Variants in SBF2 observed in about 807,000 individuals in gnomAD.
SBF2 encodes the protein myotubularin-related protein 13.
In SBF2, 112 loss-of-function variants were observed where a neutral mutation model predicts 225.2. The observed-to-expected ratio is 0.50, with a 90% confidence interval of 0.43 to 0.58. SBF2 has a LOEUF of 0.58. Among genes scored for constraint, SBF2 ranks in the 20% least tolerant of loss-of-function variants. The pLI is 0.00. For synonymous variants in SBF2, 763 were observed against 773.3 expected, an observed-to-expected ratio of 0.99 and a Z score of 0.22; for missense variants, 1,996 against 2,206.2, an observed-to-expected ratio of 0.90 and a Z score of 1.91.
intron 1 of SBF2, among the ~76,000 whole-genome samples, chr11:10,290,835 C>G (rs1009523188): frequency 2.6e-5 from 4 of 152,116 alleles, no homozygotes; most frequent in African/African-American, 9.7e-5. Flanking sequence ...CCTATACTTA[C>G]CAGCCCTGAC....
intron 1 of SBF2, among the ~76,000 whole-genome samples, chr11:10,209,309 G>GT (rs1324349747): frequency 4.5e-4 from 65 of 145,122 alleles, no homozygotes; most frequent in East Asian, 6.4e-4. Context: ...CCACAAATTT[G>GT]TTTTTTTTTT....
chr11:10,110,215 C>A (rs145127107), intron 2 of SBF2, among the ~76,000 whole-genome samples: 2 of 152,282 alleles, frequency 1.3e-5, no homozygotes, highest in East Asian at 3.9e-4. Context: ...AATCTTGAGT[C>A]TTCCACTATT....
At chr11:10,270,499 G>A (rs1962384495) in intron 1 of SBF2, among the ~76,000 whole-genome samples, 1 of 152,154 alleles carries the variant, frequency 6.6e-6, no homozygotes, top group Admixed American at 6.5e-5. Flanking sequence ...AGGCTGAGGA[G>A]GAGGAAGAGG....
At chr11:10,096,275 C>CT (rs1463721059) in intron 2 of SBF2, among the ~76,000 whole-genome samples, 2 of 152,034 alleles carry the variant, frequency 1.3e-5, no homozygotes, top group Admixed American at 1.3e-4. Context: ...AAAATCAAAA[C>CT]TACCTACACA....
At chr11:10,114,017 T>C (rs905819988) in intron 2 of SBF2, among the ~76,000 whole-genome samples, 4 of 152,204 alleles carry the variant, frequency 2.6e-5, no homozygotes, top group Non-Finnish European at 2.9e-5. Context: ...CTCTTATTTA[T>C]TGATCAATGT....
chr11:9,935,079 CCTT>C (rs1324633713), intron 16 of SBF2, among the ~76,000 whole-genome samples: 3 of 152,174 alleles, frequency 2.0e-5, no homozygotes, highest in Non-Finnish European at 4.4e-5. Flanking sequence ...CCCAAAATCT[CCTT>C]AAGCTGATAA....
At chr11:9,994,835 GA>G (rs1565107819) in intron 9 of SBF2, among the ~76,000 whole-genome samples, 2 of 151,986 alleles carry the variant, frequency 1.3e-5, no homozygotes, top group Admixed American at 6.5e-5. Context: ...TCAGGAATTT[GA>G]AACCAGCCTG....
chr11:10,181,042 TTACACTCTTCTGATTTTAATG>T (rs1342129687), intron 2 of SBF2, among the ~76,000 whole-genome samples: 1 of 152,128 alleles, frequency 6.6e-6, no homozygotes, highest in African/African-American at 2.4e-5. Flanking sequence ...ACTCATGTCA[TTACACTCTTCTGATTTTAATG>T]TTAAAATGCT....
At chr11:9,821,295 T>C (rs556879783) in intron 28 of SBF2, among the ~76,000 whole-genome samples, 1 of 152,330 alleles carries the variant, frequency 6.6e-6, no homozygotes, top group South Asian at 2.1e-4. Context: ...TTCTGACTCA[T>C]TATTGTATCT....
intron 26 of SBF2, chr11:9,839,168 A>G: frequency 2.9e-6 from 1 of 343,768 alleles, no homozygotes; most frequent in Non-Finnish European, 5.6e-6. Flanking sequence ...CCTACAAAAG[A>G]CTTTCATGTC....
chr11:9,850,307 A>G, intron 21 of SBF2, 89 bp from the exon 22 acceptor site: 13 of 1,176,780 alleles, frequency 1.1e-5, no homozygotes, highest in Non-Finnish European at 1.6e-5. Flanking sequence ...CCAGCCTAGA[A>G]TACAGTAGTG....
Position 9,974,960 on chromosome 11 carries a change from C to CAAAAAAAAA in SBF2, c.1396-6424_1396-6416dup, listed in dbSNP as rs1166081188. ...GGGCAACAACAGCGAAACTTTGACT[C>CAAAAAAAAA]AAAAAAAAAAAAAAAAAAAAAAAAA... On this transcript the variant is annotated intron_variant, in intron 13 of 39. Transcript: ENST00000256190. Among the ~76,000 whole-genome samples the CAAAAAAAAA allele has an allele frequency of 9.1e-3, 210 of 23,200 alleles. 32 individuals carry two copies. Among genetic ancestry groups the CAAAAAAAAA allele is most frequent in the South Asian group, 0.014 (5 of 354 alleles). The allele number at this position is 23,200 out of a possible 152,430, so 15.2% of individuals were successfully genotyped here. A position where few individuals can be genotyped will look rare whatever the true frequency, so the allele number is the denominator to read the frequency against.
chr11:10,295,799 G>C (rs746664709), upstream of SBF2, among the ~76,000 whole-genome samples: 7 of 151,694 alleles, frequency 4.6e-5, no homozygotes, highest in Non-Finnish European at 7.4e-5. Context: ...TCTGCTCTCC[G>C]GAACTATCCA....
chr11:10,171,022 G>GT (rs150788353), intron 2 of SBF2, among the ~76,000 whole-genome samples: 10,217 of 152,080 alleles, frequency 0.067, 522 homozygotes, highest in East Asian at 0.28. Context: ...TTGTTCATCA[G>GT]TTTTAATAGT....
chr11:9,984,004 A>G (rs1287633306), intron 13 of SBF2, among the ~76,000 whole-genome samples: 4 of 152,228 alleles, frequency 2.6e-5, no homozygotes, highest in African/African-American at 4.8e-5. Flanking sequence ...CCCTGGTAAT[A>G]TGACAAAACA....
At chr11:9,978,301 G>C (rs1946790778) in intron 13 of SBF2, among the ~76,000 whole-genome samples, 1 of 152,164 alleles carries the variant, frequency 6.6e-6, no homozygotes, top group African/African-American at 2.4e-5. Context: ...CTTAGCACTA[G>C]AAGGAATCTC....
chr11:9,826,609 T>C (rs1054878347), intron 28 of SBF2, among the ~76,000 whole-genome samples: 2 of 151,754 alleles, frequency 1.3e-5, no homozygotes, highest in African/African-American at 4.8e-5. Context: ...AAGCAACACA[T>C]AGAGTTGCTC....
intron 9 of SBF2, among the ~76,000 whole-genome samples, chr11:9,997,888 A>C (rs1947777815): frequency 6.6e-6 from 1 of 152,248 alleles, no homozygotes; most frequent in South Asian, 2.1e-4. Context: ...GGTACCAAAG[A>C]GGAATGAGAT....
chr11:10,291,605 G>C (rs1165383602), intron 1 of SBF2, among the ~76,000 whole-genome samples: 2 of 151,842 alleles, frequency 1.3e-5, no homozygotes, highest in Non-Finnish European at 2.9e-5. Context: ...AGGTGGGCTA[G>C]TGACTTTTTC....
Sources: gnomAD v4.1 joint callset for allele counts (sites outside exome capture counted in the v4.1 genomes callset) on GRCh38, gnomAD v4.1.1 for gene constraint, MANE v1.5 for transcripts, NCBI Gene and HGNC (gene_info 2026-07-23, HGNC 2026-07-21) for gene names.